The following EML5 variants were observed in gnomAD, a reference collection of about 807,000 sequenced individuals.
EML5 encodes the protein EMAP like 5.
A neutral mutation model predicts 250.0 loss-of-function variants in EML5; 120 were observed. The ratio of observed to expected loss-of-function variants is 0.48; its 90% CI spans 0.41 to 0.56. The LOEUF (loss-of-function observed/expected upper bound fraction) is 0.56, where lower values mean the gene tolerates loss of function less well. Ranked by LOEUF, EML5 falls within the 20% of genes least tolerant of loss-of-function variation. The probability of loss-of-function intolerance (pLI) is 0.00; values close to 1 mark genes in which losing one functional copy is unlikely to be tolerated. For missense variants in EML5, 2,006 were observed against 2,437.6 expected, an observed-to-expected ratio of 0.82 and a Z score of 3.73; for synonymous variants, 771 against 806.5, an observed-to-expected ratio of 0.96 and a Z score of 0.75.
At chr14:88,766,161 T>C (rs930139772) in intron 1 of EML5, among the ~76,000 whole-genome samples, 2 of 152,290 alleles carry the variant, frequency 1.3e-5, no homozygotes, top group African/African-American at 4.8e-5. Flanking sequence ...CCTGTGATTA[T>C]TGCGTTAACT....
intron 7 of EML5, 97 bp downstream of exon 7, chr14:88,736,267 G>A (rs1057276695): frequency 4.3e-5 from 60 of 1,390,630 alleles, no homozygotes; most frequent in Non-Finnish European, 5.7e-5. Context: ...CCAAAGTGCT[G>A]GGATTACGGG....
chr14:88,780,624 G>A (rs1298346026), intron 1 of EML5, among the ~76,000 whole-genome samples: 1 of 151,868 alleles, frequency 6.6e-6, no homozygotes, highest in African/African-American at 2.4e-5. Flanking sequence ...CATCCAGGCT[G>A]GAGTGCAGAG....
At chr14:88,726,309 C>A (rs1193949612) in intron 8 of EML5, among the ~76,000 whole-genome samples, 1 of 152,060 alleles carries the variant, frequency 6.6e-6, no homozygotes, top group Non-Finnish European at 1.5e-5. Flanking sequence ...GCATTCTTAA[C>A]CCCCCAAACC....
At chr14:88,666,528 T>C (rs1439644041) in intron 21 of EML5, among the ~76,000 whole-genome samples, 1 of 152,162 alleles carries the variant, frequency 6.6e-6, no homozygotes, top group Non-Finnish European at 1.5e-5. Context: ...ACCTGGCCTA[T>C]GAAACTAAAA....
chr14:88,712,264 A>T lies in EML5; in HGVS notation c.1657+7T>A. 1.3e-6 allele frequency: 2 copies of T among 1,585,562 alleles called. No individual in the cohort carries two copies. The highest frequency in any genetic ancestry group is 4.5e-5 in the East Asian group (2 of 44,640). ...GAGGTTACTTAATATTTTGAAAGAA[A>T]AGGTACCTTTTCTTAAACATGGATA... On this transcript the variant is annotated splice_region_variant and intron_variant, in intron 10 of 43. Coordinates refer to ENST00000554922, the MANE Select transcript of EML5 (RefSeq NM_183387.3).
chr14:88,765,746 T>C (rs559552107), intron 1 of EML5, among the ~76,000 whole-genome samples: 5 of 152,326 alleles, frequency 3.3e-5, no homozygotes, highest in Admixed American at 1.3e-4. Context: ...TTGAGTCCCC[T>C]GGAGAATTAT....
At chr14:88,634,444 G>T in intron 33 of EML5, 25 bp downstream of exon 33, 1 of 1,443,344 alleles carries the variant, frequency 6.9e-7, no homozygotes, top group Non-Finnish European at 9.3e-7. Flanking sequence ...TATAAATAAA[G>T]CAGAAAATGT....
At chr14:88,650,427 C>G (rs2091565045) in intron 27 of EML5, among the ~76,000 whole-genome samples, 1 of 152,038 alleles carries the variant, frequency 6.6e-6, no homozygotes, top group Non-Finnish European at 1.5e-5. Context: ...GCACTCCAGC[C>G]TGGGCGACAC....
chr14:88,676,598 C>T (rs1262023718), intron 21 of EML5, among the ~76,000 whole-genome samples: 1 of 152,160 alleles, frequency 6.6e-6, no homozygotes, highest in Non-Finnish European at 1.5e-5. Context: ...AATAAACTAC[C>T]ATTGACATTC....
intron 1 of EML5, among the ~76,000 whole-genome samples, chr14:88,789,838 G>A (rs1444998694): frequency 6.6e-6 from 1 of 152,214 alleles, no homozygotes; most frequent in Non-Finnish European, 1.5e-5. Flanking sequence ...GCTCATTCTG[G>A]AACAGTTCTA....
chr14:88,752,458 A>G (rs1050250094), intron 2 of EML5, among the ~76,000 whole-genome samples: 1 of 152,208 alleles, frequency 6.6e-6, no homozygotes, highest in African/African-American at 2.4e-5. Flanking sequence ...GAAAAATAAT[A>G]GCAAAAATGG....
At chr14:88,673,956 T>A (rs1211484939) in intron 21 of EML5, among the ~76,000 whole-genome samples, 1 of 152,188 alleles carries the variant, frequency 6.6e-6, no homozygotes, top group African/African-American at 2.4e-5. Flanking sequence ...CTGTTATTAG[T>A]CTGTTCTCAC....
intron 4 of EML5, among the ~76,000 whole-genome samples, chr14:88,741,149 G>A (rs917238988): frequency 6.6e-6 from 1 of 151,850 alleles, no homozygotes; most frequent in Non-Finnish European, 1.5e-5. Context: ...GGCGCAGAGT[G>A]AGACTCCGTC....
intron 9 of EML5, among the ~76,000 whole-genome samples, chr14:88,713,826 T>A (rs1041635757): frequency 6.9e-6 from 1 of 145,530 alleles, no homozygotes; most frequent in African/African-American, 2.5e-5. Context: ...TATTAATATT[T>A]GCAAAGTTTA....
intron 1 of EML5, among the ~76,000 whole-genome samples, chr14:88,765,722 T>C (rs547122059): frequency 6.6e-6 from 1 of 152,338 alleles, no homozygotes; most frequent in Admixed American, 6.5e-5. Flanking sequence ...CTGGCTACCA[T>C]GCAGACTCAG....
At chr14:88,714,496 C>T (rs563906272) in intron 9 of EML5, among the ~76,000 whole-genome samples, 2 of 152,080 alleles carry the variant, frequency 1.3e-5, no homozygotes, top group Non-Finnish European at 2.9e-5. Flanking sequence ...GTTAATAATG[C>T]TGTTACTGTA....
intron 7 of EML5, among the ~76,000 whole-genome samples, chr14:88,727,353 A>T (rs1376978901): frequency 6.6e-6 from 1 of 151,056 alleles, no homozygotes; most frequent in Non-Finnish European, 1.5e-5. Context: ...TGAGTATACC[A>T]TCTCTTTCCC....
intron 32 of EML5, among the ~76,000 whole-genome samples, chr14:88,634,756 AATG>A (rs1485471977): frequency 6.6e-6 from 1 of 152,170 alleles, no homozygotes; most frequent in Non-Finnish European, 1.5e-5. Flanking sequence ...TAACTTTTAA[AATG>A]ATACTGATAT....
rs554495944 is a variant in EML5, at chr14:88,655,375, G to A, written c.4004+2001C>T. Among the ~76,000 whole-genome samples, 24 of 152,266 alleles carry A rather than the reference G, an allele frequency of 1.6e-4. 1 individual carries two copies. In the East Asian group the frequency reaches 3.3e-3, roughly 21 times the overall value. ...CAAACCTGGTAAAAACAAGCAATGA[G>A]AAAGGATTCCCTCTTTAATAAATGG... On this transcript the variant is annotated intron_variant, in intron 27 of 43. Coordinates refer to ENST00000554922, the MANE Select transcript of EML5 (RefSeq NM_183387.3).
Sources: gnomAD v4.1 joint callset for allele counts (sites outside exome capture counted in the v4.1 genomes callset) on GRCh38, gnomAD v4.1.1 for gene constraint, MANE v1.5 for transcripts, NCBI Gene and HGNC (gene_info 2026-07-23, HGNC 2026-07-21) for gene names.